DCDC1: variants seen among roughly 807,000 people sequenced by gnomAD.
DCDC1 encodes doublecortin domain-containing protein 1.
DCDC1 carries 200 observed loss-of-function variants against 178.3 expected under a neutral mutation model. The ratio of observed to expected loss-of-function variants is 1.12; its 90% CI spans 1.00 to 1.26. DCDC1 has a LOEUF of 1.26. DCDC1 is among the 50% of genes most tolerant of loss of function. DCDC1 has a pLI of 0.00. For synonymous variants in DCDC1, 690 were observed against 604.8 expected (o/e 1.14, Z -2.07); for missense variants, 1,983 against 1,749.2 (o/e 1.13, Z -2.38).
At chr11:31,282,601 G>C (rs1380349655) in intron 7 of DCDC1, among the ~76,000 whole-genome samples, 2 of 151,980 alleles carry the variant, frequency 1.3e-5, no homozygotes, top group African/African-American at 4.8e-5. Context: ...TAAATGTACT[G>C]GGAATGGCTC....
intron 9 of DCDC1, among the ~76,000 whole-genome samples, chr11:31,204,051 T>G (rs550763437): frequency 6.6e-6 from 1 of 152,312 alleles, no homozygotes; most frequent in South Asian, 2.1e-4. Context: ...CAATTTTTAG[T>G]GTTTGCCAAT....
At chr11:30,865,752 A>G (rs1940922303) in intron 38 of DCDC1, among the ~76,000 whole-genome samples, 1 of 151,994 alleles carries the variant, frequency 6.6e-6, no homozygotes, top group East Asian at 1.9e-4. Flanking sequence ...ATAGGATAAT[A>G]GTTTTTTTTT....
At chr11:31,363,950 T>C (rs968323793) in intron 1 of DCDC1, among the ~76,000 whole-genome samples, 1 of 152,162 alleles carries the variant, frequency 6.6e-6, no homozygotes, top group Non-Finnish European at 1.5e-5. Flanking sequence ...ATACTTTGAA[T>C]TTTGATCTCT....
intron 20 of DCDC1, among the ~76,000 whole-genome samples, chr11:30,982,135 TTA>T (rs1224889820): frequency 6.6e-6 from 1 of 152,218 alleles, no homozygotes; most frequent in Admixed American, 6.5e-5. Context: ...CAAAGAATTT[TTA>T]TGTTTCAGGT....
At chr11:31,326,603 T>C (rs1949662627) in intron 3 of DCDC1, among the ~76,000 whole-genome samples, 1 of 152,180 alleles carries the variant, frequency 6.6e-6, no homozygotes, top group African/African-American at 2.4e-5. Context: ...ACACAGGGTA[T>C]TCATTTTTTT....
intron 9 of DCDC1, among the ~76,000 whole-genome samples, chr11:31,169,020 T>C (rs1681828314): frequency 6.6e-6 from 1 of 152,186 alleles, no homozygotes; most frequent in Admixed American, 6.5e-5. Flanking sequence ...AAAGAAAACC[T>C]GGTACATATA....
chr11:31,230,358 AAG>A (rs1975615160), intron 9 of DCDC1, among the ~76,000 whole-genome samples: 1 of 152,054 alleles, frequency 6.6e-6, no homozygotes, highest in Admixed American at 6.6e-5. Flanking sequence ...AAGGGCCAAA[AAG>A]AAAAAAATAG....
intron 35 of DCDC1, among the ~76,000 whole-genome samples, 178 bp from the exon 36 acceptor site, chr11:30,893,175 C>G (rs1036047488): frequency 2.6e-5 from 4 of 152,116 alleles, no homozygotes; most frequent in African/African-American, 9.7e-5. Flanking sequence ...ATTCCCCTTG[C>G]TTCAATGAAA....
chr11:31,117,560 C>A (rs1960154600), intron 11 of DCDC1, among the ~76,000 whole-genome samples: 1 of 151,960 alleles, frequency 6.6e-6, no homozygotes, highest in South Asian at 2.1e-4. Flanking sequence ...CCCTCATCAG[C>A]TTCTCAGTGA....
chr11:30,952,195 CTAAGAAT>C (rs1590512804), intron 21 of DCDC1, among the ~76,000 whole-genome samples: 1 of 151,930 alleles, frequency 6.6e-6, no homozygotes, highest in East Asian at 1.9e-4. Context: ...ACGTGTGTGC[CTAAGAAT>C]TAAATCTCAA....
intron 1 of DCDC1, among the ~76,000 whole-genome samples, chr11:31,338,157 GA>G (rs1235107368): frequency 6.6e-6 from 1 of 152,172 alleles, no homozygotes; most frequent in East Asian, 1.9e-4. Context: ...CATTGCTAGA[GA>G]AAGGAACTTT....
chr11:31,041,408 C>T (rs288464), intron 20 of DCDC1, among the ~76,000 whole-genome samples: 74,564 of 151,962 alleles, frequency 0.49, 18,568 homozygotes, highest in African/African-American at 0.57. Context: ...AAGCAACTTA[C>T]GTTACACTGA....
chr11:31,156,428 T>G (rs1359266683), intron 9 of DCDC1, among the ~76,000 whole-genome samples: 1 of 151,862 alleles, frequency 6.6e-6, no homozygotes, highest in African/African-American at 2.4e-5. Flanking sequence ...AACACTGAGA[T>G]CAGTACTGAA....
chr11:31,203,844 A>C (rs1971574502), intron 9 of DCDC1, among the ~76,000 whole-genome samples: 1 of 152,220 alleles, frequency 6.6e-6, no homozygotes, highest in African/African-American at 2.4e-5. Context: ...TTACACTGGA[A>C]TATTGACCCC....
intron 22 of DCDC1, 31 bp from the exon 23 acceptor site, chr11:30,925,439 C>A: frequency 6.3e-7 from 1 of 1,590,990 alleles, no homozygotes; most frequent in African/African-American, 1.3e-5. Context: ...ATTGACCTTG[C>A]ATACAGAAAG....
chr11:30,972,757 C>A (rs2134700574), intron 20 of DCDC1, among the ~76,000 whole-genome samples: 1 of 152,300 alleles, frequency 6.6e-6, no homozygotes, highest in East Asian at 1.9e-4. Flanking sequence ...AAGATACAGA[C>A]AAGCCAAATG....
At chr11:31,028,043 G>A (rs955594140) in intron 20 of DCDC1, among the ~76,000 whole-genome samples, 1 of 151,586 alleles carries the variant, frequency 6.6e-6, no homozygotes, top group South Asian at 2.1e-4. Flanking sequence ...ATAATCTAAA[G>A]CACATAATTA....
At chr11:30,883,472 T>C (rs1272652058) in intron 36 of DCDC1, 1 of 461,110 alleles carries the variant, frequency 2.2e-6, no homozygotes, top group South Asian at 1.6e-5. Context: ...GAAGAAAACT[T>C]TCCTGCTCCA....
intron 18 of DCDC1, among the ~76,000 whole-genome samples, chr11:31,066,533 C>G (rs985861114): frequency 6.6e-6 from 1 of 152,112 alleles, no homozygotes; most frequent in East Asian, 1.9e-4. Flanking sequence ...CACTAAGGTA[C>G]TTACATTGTT....
Sources: allele counts gnomAD v4.1 joint callset (sites outside exome capture counted in the v4.1 genomes callset), GRCh38; gene constraint gnomAD v4.1.1; transcripts MANE v1.5; gene names NCBI Gene and HGNC (gene_info 2026-07-23, HGNC 2026-07-21).